OXCT1: variants seen among roughly 807,000 people sequenced by gnomAD.
OXCT1 encodes 3-oxoacid CoA-transferase 1, also known as succinyl-CoA:3-ketoacid coenzyme A transferase 1, mitochondrial.
In OXCT1, 27 loss-of-function variants were observed where a neutral mutation model predicts 69.6. The observed-to-expected ratio is 0.39, with a 90% CI of 0.29 to 0.54. OXCT1 has a LOEUF of 0.54. Among genes scored for constraint, OXCT1 ranks in the 20% least tolerant of loss-of-function variants. The probability of loss-of-function intolerance (pLI) is 0.72; values close to 1 mark genes in which losing one functional copy is unlikely to be tolerated. For synonymous variants in OXCT1, 202 were observed against 217.8 expected (o/e 0.93, Z 0.64); for missense variants, 437 against 650.2 (o/e 0.67, Z 3.57).
At chr5:41,788,067 G>T (rs1376428836) in intron 13 of OXCT1, among the ~76,000 whole-genome samples, 1 of 152,122 alleles carries the variant, frequency 6.6e-6, no homozygotes. Flanking sequence ...TAATAGCGAA[G>T]TATAAGGTTT....
rs760088821 is a variant in OXCT1 at position 41,805,667 on chromosome 5, C to A, written c.855G>T (p.Arg285=). ...YEKRIERLSI[R]KEGDGEAKSA... ...ATTTGGCTTCCCCATCTCCCTCTTT[C>A]CGGATTGATAAACGCTTTAAATTAA... The change falls in exon 9 of 17, where the codon CGG becomes CGT. Residue 285 remains arginine, a synonymous_variant. Coordinates refer to ENST00000196371, the MANE Select transcript of OXCT1 (RefSeq NM_000436.4). 2 of 1,606,914 alleles carry A rather than the reference C, an allele frequency of 1.2e-6. No homozygotes were observed. Among genetic ancestry groups the A allele is most frequent in the South Asian group, 2.2e-5 (2 of 90,940 alleles).
intron 7 of OXCT1, among the ~76,000 whole-genome samples, chr5:41,836,204 C>T (rs141960802): frequency 2.1e-3 from 325 of 152,316 alleles, no homozygotes; most frequent in African/African-American, 7.5e-3. Context: ...GGGAAGACTT[C>T]ACCCTCACTC....
intron 3 of OXCT1, among the ~76,000 whole-genome samples, chr5:41,855,181 T>C (rs943034965): frequency 2.0e-5 from 3 of 152,214 alleles, no homozygotes; most frequent in African/African-American, 7.2e-5. Flanking sequence ...CTCTGAAATA[T>C]TCCTTTAATA....
intron 13 of OXCT1, among the ~76,000 whole-genome samples, chr5:41,793,440 C>T (rs1746024467): frequency 6.6e-6 from 1 of 152,210 alleles, no homozygotes; most frequent in Non-Finnish European, 1.5e-5. Flanking sequence ...TAAGAGGTTT[C>T]TTCCTTGATT....
chr5:41,831,414 T>C (rs981192857), intron 7 of OXCT1, among the ~76,000 whole-genome samples: 3 of 152,304 alleles, frequency 2.0e-5, no homozygotes, highest in Non-Finnish European at 4.4e-5. Context: ...TTTCTTTCCC[T>C]GAAATATCAG....
At chr5:41,852,197 G>GT (rs952747809) in intron 4 of OXCT1, among the ~76,000 whole-genome samples, 4 of 151,834 alleles carry the variant, frequency 2.6e-5, no homozygotes, top group African/African-American at 4.8e-5. Flanking sequence ...AGACATCTTT[G>GT]TTTTTTTTGT....
At chr5:41,737,821 C>T (rs987668720) in intron 16 of OXCT1, among the ~76,000 whole-genome samples, 2 of 152,100 alleles carry the variant, frequency 1.3e-5, no homozygotes, top group Admixed American at 6.5e-5. Context: ...TTTGGGAGGC[C>T]GAGGCGGGCA....
chr5:41,856,000 G>A (rs768483132), intron 3 of OXCT1, among the ~76,000 whole-genome samples: 2 of 152,200 alleles, frequency 1.3e-5, no homozygotes, highest in Admixed American at 1.3e-4. Flanking sequence ...AGTGTTCCTG[G>A]AGTATGGACT....
chr5:41,735,088 C>A (rs1742819380), intron 16 of OXCT1, among the ~76,000 whole-genome samples: 1 of 152,104 alleles, frequency 6.6e-6, no homozygotes, highest in Non-Finnish European at 1.5e-5. Context: ...AATCCAAATT[C>A]TGAATTATAT....
At chr5:41,840,130 G>A (rs1200729110) in intron 7 of OXCT1, among the ~76,000 whole-genome samples, 5 of 152,028 alleles carry the variant, frequency 3.3e-5, no homozygotes, top group African/African-American at 1.2e-4. Context: ...TGTTTTCCAG[G>A]GATTCCACAT....
At chr5:41,735,878 C>G (rs1742861129) in intron 16 of OXCT1, among the ~76,000 whole-genome samples, 1 of 152,246 alleles carries the variant, frequency 6.6e-6, no homozygotes. Flanking sequence ...AAGCAATGCT[C>G]TGTTTTGCTC....
chr5:41,868,722 C>CA (rs557078550), intron 1 of OXCT1, among the ~76,000 whole-genome samples: 1,486 of 101,628 alleles, frequency 0.015, 14 homozygotes, highest in African/African-American at 0.04. Context: ...GACTCCGTCT[C>CA]AAAAAAAAAA....
intron 16 of OXCT1, among the ~76,000 whole-genome samples, chr5:41,738,566 C>T (rs141806982): frequency 2.0e-5 from 3 of 152,340 alleles, no homozygotes; most frequent in African/African-American, 7.2e-5. Context: ...CATCAAACCT[C>T]TTTTTCTCTA....
intron 13 of OXCT1, among the ~76,000 whole-genome samples, chr5:41,764,577 C>T (rs1579686050): frequency 6.6e-6 from 1 of 152,296 alleles, no homozygotes; most frequent in East Asian, 1.9e-4. Flanking sequence ...TTTCACCTCT[C>T]TCTTATCACA....
At chr5:41,745,717 T>G (rs924282655) in intron 15 of OXCT1, among the ~76,000 whole-genome samples, 17 of 152,034 alleles carry the variant, frequency 1.1e-4, no homozygotes, top group Middle Eastern at 6.8e-3. Context: ...ATAAAGGGGA[T>G]ATCACCACCG....
At position 41,803,167 on chromosome 5, in the gene OXCT1, G is replaced by GA. The variant is rs752619742; in HGVS notation, c.956-5dup. 78 of 1,586,612 alleles carry GA rather than the reference G, an allele frequency of 4.9e-5. No individual in the cohort carries two copies. Among genetic ancestry groups the GA allele is most frequent in the Non-Finnish European group, 5.9e-5 (68 of 1,156,242 alleles). ...GGGATTCCTATGCCCAAATTAGCTG[G>GA]AAAAAAAAGATGTTAAGGTCCAGCA... On this transcript the variant is annotated splice_polypyrimidine_tract_variant and splice_region_variant and intron_variant, in intron 9 of 16. Transcript: ENST00000196371.
chr5:41,745,613 T>C (rs1016631704), intron 15 of OXCT1, among the ~76,000 whole-genome samples: 2 of 152,136 alleles, frequency 1.3e-5, no homozygotes, highest in Non-Finnish European at 2.9e-5. Flanking sequence ...ATCCAGGAGC[T>C]GGTTTTTTGA....
chr5:41,834,811 G>A (rs1347183231), intron 7 of OXCT1, among the ~76,000 whole-genome samples: 1 of 152,056 alleles, frequency 6.6e-6, no homozygotes, highest in Non-Finnish European at 1.5e-5. Context: ...ACTACAGAAT[G>A]AACCTAATAG....
intron 11 of OXCT1, among the ~76,000 whole-genome samples, chr5:41,795,298 GT>G (rs1167094384): frequency 6.6e-6 from 1 of 152,168 alleles, no homozygotes; most frequent in East Asian, 1.9e-4. Context: ...GTGCAGCCTG[GT>G]TCCTAACAGG....
Sources: allele counts gnomAD v4.1 joint callset (sites outside exome capture counted in the v4.1 genomes callset), GRCh38; gene constraint gnomAD v4.1.1; transcripts MANE v1.5; gene names NCBI Gene and HGNC (gene_info 2026-07-23, HGNC 2026-07-21).